Variants in BCAR3 observed in about 807,000 individuals in gnomAD.
The protein encoded by BCAR3 is BCAR3 adaptor protein, NSP family member.
A neutral mutation model predicts 80.1 loss-of-function variants in BCAR3; 37 were observed. That is an observed-to-expected ratio of 0.46 (90% CI 0.36 to 0.61). The LOEUF (loss-of-function observed/expected upper bound fraction) is 0.61. Ranked by LOEUF, BCAR3 falls within the 20% of genes least tolerant of loss-of-function variation. The pLI is 0.00. For synonymous variants in BCAR3, 389 were observed against 418.9 expected (o/e 0.93, Z 0.87); for missense variants, 978 against 1,068.2 (o/e 0.92, Z 1.18).
intron 4 of BCAR3, among the ~76,000 whole-genome samples, chr1:93,589,762 G>A (rs1674095721): frequency 1.3e-5 from 2 of 152,288 alleles, no homozygotes; most frequent in Admixed American, 6.5e-5. Flanking sequence ...CAGCTGTAAG[G>A]TCAGGGAAGA....
intron 2 of BCAR3, among the ~76,000 whole-genome samples, chr1:93,767,298 G>A (rs1449759960): frequency 2.0e-5 from 3 of 152,090 alleles, no homozygotes; most frequent in African/African-American, 2.4e-5. Flanking sequence ...CGAGGCAGGC[G>A]AATCACTTGA....
chr1:93,777,369 TTCTTCC>T (rs148437504), intron 2 of BCAR3, among the ~76,000 whole-genome samples: 2,177 of 137,364 alleles, frequency 0.016, 79 homozygotes, highest in African/African-American at 0.06. Flanking sequence ...CCTCTTCTTC[TTCTTCC>T]TCCTCTTCTT....
chr1:93,770,283 G>C (rs1652309330), intron 2 of BCAR3, among the ~76,000 whole-genome samples: 1 of 152,162 alleles, frequency 6.6e-6, no homozygotes, highest in South Asian at 2.1e-4. Flanking sequence ...CCAGAAAGGA[G>C]GTACAGCATC....
chr1:93,783,373 A>C (rs1652829623), intron 2 of BCAR3, among the ~76,000 whole-genome samples: 1 of 152,228 alleles, frequency 6.6e-6, no homozygotes, highest in African/African-American at 2.4e-5. Flanking sequence ...CATTTGCTAA[A>C]TGCCTCTGAC....
At chr1:93,690,666 C>T (rs543167480) in intron 3 of BCAR3, among the ~76,000 whole-genome samples, 2 of 152,210 alleles carry the variant, frequency 1.3e-5, no homozygotes, top group Non-Finnish European at 2.9e-5. Flanking sequence ...TTCCTAGCAA[C>T]TGTCTGAATT....
At position 93,582,931 on chromosome 1, in the gene BCAR3, G is replaced by A. The variant is rs1673778499; in HGVS notation, c.1056C>T (p.Ser352=). 1 of 1,593,264 alleles carries A rather than the reference G, an allele frequency of 6.3e-7. No individual in the cohort carries two copies. The highest frequency in any genetic ancestry group is 1.3e-5 in the African/African-American group (1 of 74,722). ...LPIGCKLPPQ[S]SGVDTSPCPN... ...GGCAGGGGCTTGTGTCCACACCCGAGGACTGAGGTGGCAGCTTGCAGCCTG... is the reference window on the plus strand; with the variant it reads ...GGCAGGGGCTTGTGTCCACACCCGAAGACTGAGGTGGCAGCTTGCAGCCTG... The change falls in exon 7 of 12, where the codon TCC becomes TCT. Residue 352 remains serine, a synonymous_variant. Coordinates refer to ENST00000260502, the MANE Select transcript of BCAR3 (RefSeq NM_003567.4).
At chr1:93,613,972 G>C in intron 3 of BCAR3, 2 of 1,548,984 alleles carry the variant, frequency 1.3e-6, no homozygotes, top group Non-Finnish European at 1.7e-6. Flanking sequence ...TTTCTTTAGG[G>C]TTAAAAGAAA....
intron 3 of BCAR3, among the ~76,000 whole-genome samples, chr1:93,700,337 G>A (rs924193272): frequency 6.6e-6 from 1 of 151,788 alleles, no homozygotes; most frequent in African/African-American, 2.4e-5. Context: ...GGACCACAGG[G>A]GCACACCCCT....
intron 3 of BCAR3, among the ~76,000 whole-genome samples, chr1:93,610,946 G>T (rs1292842700): frequency 6.6e-6 from 1 of 152,012 alleles, no homozygotes; most frequent in African/African-American, 2.4e-5. Flanking sequence ...AGAGCACTAG[G>T]CTTCAGCCCA....
Position 93,827,819 on chromosome 1 carries a change from C to G in BCAR3, c.-63+17748G>C, listed in dbSNP as rs1480037853. On this transcript the variant is annotated intron_variant, in intron 2 of 13. Coordinates refer to the BCAR3 transcript ENST00000370244. ...AGAGAAGTGATGGACAGTGTTGGGG[C>G]TCAGAAAACAATACCCCAAAATAAG... Among the ~76,000 whole-genome samples, 3 of 151,954 alleles carry G rather than the reference C, an allele frequency of 2.0e-5. No individual in the cohort carries two copies. In the South Asian group the frequency reaches 6.2e-4, roughly 32 times the overall value.
At chr1:93,742,525 G>C (rs577191711) in intron 2 of BCAR3, among the ~76,000 whole-genome samples, 1 of 152,166 alleles carries the variant, frequency 6.6e-6, no homozygotes, top group Non-Finnish European at 1.5e-5. Context: ...CGTTCTCTCC[G>C]TTTGCCAGGT....
chr1:93,738,032 C>T (rs1651044622), intron 2 of BCAR3, among the ~76,000 whole-genome samples: 1 of 152,102 alleles, frequency 6.6e-6, no homozygotes, highest in Non-Finnish European at 1.5e-5. Flanking sequence ...CGGGGTCTTG[C>T]TTTGCTGCCT....
At chr1:93,656,763 C>T (rs1302201740) in intron 2 of BCAR3, among the ~76,000 whole-genome samples, 2 of 152,034 alleles carry the variant, frequency 1.3e-5, no homozygotes, top group Admixed American at 6.6e-5. Flanking sequence ...ACCACCACAC[C>T]CAGCTAATTT....
At chr1:93,841,574 T>A (rs1571165005) in intron 2 of BCAR3, among the ~76,000 whole-genome samples, 1 of 152,246 alleles carries the variant, frequency 6.6e-6, no homozygotes, top group Admixed American at 6.5e-5. Flanking sequence ...CTGGAATTGG[T>A]GGTGCTGCCT....
At chr1:93,832,526 G>T (rs1571158370) in intron 2 of BCAR3, among the ~76,000 whole-genome samples, 1 of 152,268 alleles carries the variant, frequency 6.6e-6, no homozygotes, top group East Asian at 1.9e-4. Context: ...CTTAGCAGCT[G>T]AAGACTGACA....
chr1:93,616,821 G>A (rs1675143867), intron 3 of BCAR3, among the ~76,000 whole-genome samples: 1 of 152,182 alleles, frequency 6.6e-6, no homozygotes, highest in Admixed American at 6.5e-5. Context: ...CAGTCAGGCA[G>A]CTCTGAGCTC....
intron 3 of BCAR3, among the ~76,000 whole-genome samples, chr1:93,622,085 G>C (rs1044912768): frequency 6.6e-6 from 1 of 152,090 alleles, no homozygotes; most frequent in South Asian, 2.1e-4. Flanking sequence ...ATTTTTAGTA[G>C]AGACACAGTT....
chr1:93,768,380 T>C (rs1035132791), intron 2 of BCAR3, among the ~76,000 whole-genome samples: 2 of 151,872 alleles, frequency 1.3e-5, no homozygotes, highest in Admixed American at 6.6e-5. Flanking sequence ...AGAAAGAAAA[T>C]TGTGCCCTGA....
intron 11 of BCAR3, among the ~76,000 whole-genome samples, chr1:93,565,036 A>G (rs1188072191): frequency 6.6e-6 from 1 of 151,954 alleles, no homozygotes; most frequent in Non-Finnish European, 1.5e-5. Context: ...GACAACAGGA[A>G]TATTTTCTTC....
Sources: gnomAD v4.1 joint callset for allele counts (sites outside exome capture counted in the v4.1 genomes callset) on GRCh38, gnomAD v4.1.1 for gene constraint, MANE v1.5 for transcripts, NCBI Gene and HGNC (gene_info 2026-07-23, HGNC 2026-07-21) for gene names.